REDIC1: variants seen among roughly 807,000 people sequenced by gnomAD.
REDIC1 encodes the protein regulator of DNA class I crossover intermediates 1, also known as HEI10 Interacting Protein 1.
the REDIC1 span, among the ~76,000 whole-genome samples, chr12:39,665,093 A>T: frequency 6.6e-6 from 1 of 151,864 alleles, no homozygotes; most frequent in Non-Finnish European, 1.5e-5. Flanking sequence ...CCCATTTGTC[A>T]ATTTTGGCTT....
At chr12:39,850,144 C>T in the REDIC1 span, among the ~76,000 whole-genome samples, 1 of 152,062 alleles carries the variant, frequency 6.6e-6, no homozygotes, top group Non-Finnish European at 1.5e-5. Context: ...CCTTGGGAAG[C>T]CTTCCACAAT....
chr12:39,783,074 A>G, the REDIC1 span, among the ~76,000 whole-genome samples: 1 of 152,040 alleles, frequency 6.6e-6, no homozygotes, highest in Non-Finnish European at 1.5e-5. Flanking sequence ...CCTGTGTCCA[A>G]CTGTTCTCAT....
chr12:39,759,565 C>A, the REDIC1 span: 1 of 154,378 alleles, frequency 6.5e-6, no homozygotes, highest in Admixed American at 6.5e-5. Context: ...TAAGCCACTA[C>A]TCTGTAGGAA....
chr12:39,664,410 CT>C, the REDIC1 span, among the ~76,000 whole-genome samples: 4 of 151,960 alleles, frequency 2.6e-5, no homozygotes, highest in Non-Finnish European at 5.9e-5. Context: ...TGAACTCATC[CT>C]TTTTTATGGC....
chr12:39,794,488 A>C, the REDIC1 span, among the ~76,000 whole-genome samples: 5 of 152,166 alleles, frequency 3.3e-5, no homozygotes, highest in Admixed American at 3.3e-4. Context: ...TATAAAATAG[A>C]CTGTAACCTA....
At chr12:39,748,721 C>T in the REDIC1 span, among the ~76,000 whole-genome samples, 1 of 152,218 alleles carries the variant, frequency 6.6e-6, no homozygotes, top group Non-Finnish European at 1.5e-5. Context: ...CAAATGGTCT[C>T]TCAGACCACA....
At chr12:39,701,920 T>A in the REDIC1 span, among the ~76,000 whole-genome samples, 2 of 151,932 alleles carry the variant, frequency 1.3e-5, no homozygotes, top group Non-Finnish European at 2.9e-5. Flanking sequence ...TACCAGAATC[T>A]CTGGGACACA....
At chr12:39,630,594 A>G in the REDIC1 span, among the ~76,000 whole-genome samples, 1 of 152,194 alleles carries the variant, frequency 6.6e-6, no homozygotes, top group Non-Finnish European at 1.5e-5. Context: ...ACTTGCCATT[A>G]AGTTAGAAAA....
chr12:39,758,360 A>C, the REDIC1 span: 1 of 151,848 alleles, frequency 6.6e-6, no homozygotes, highest in Non-Finnish European at 1.5e-5. Context: ...CCAGACATTA[A>C]AAGAATAGAG....
chr12:39,718,225 T>C, the REDIC1 span, among the ~76,000 whole-genome samples: 2 of 152,234 alleles, frequency 1.3e-5, no homozygotes, highest in South Asian at 4.1e-4. Context: ...GAGCACAATG[T>C]ATAATGAACC....
At chr12:39,713,429 TATGTGTACATATAC>T in the REDIC1 span, among the ~76,000 whole-genome samples, 1 of 8,802 alleles carries the variant, frequency 1.1e-4, no homozygotes, top group Non-Finnish European at 6.7e-4. Flanking sequence ...CATATGTATA[TATGTGTACATATAC>T]ATATGTATAC....
At chr12:39,813,995 A>T in the REDIC1 span, among the ~76,000 whole-genome samples, 7 of 152,332 alleles carry the variant, frequency 4.6e-5, no homozygotes, top group African/African-American at 1.7e-4. Flanking sequence ...GTGATTTCGT[A>T]TATTACTTCA....
At chr12:39,649,421 C>A in the REDIC1 span, among the ~76,000 whole-genome samples, 8 of 151,510 alleles carry the variant, frequency 5.3e-5, no homozygotes, top group East Asian at 1.4e-3. Context: ...ATTATATTCT[C>A]TTCTCTTTTG....
chr12:39,814,042 C>A, the REDIC1 span, among the ~76,000 whole-genome samples: 2 of 152,188 alleles, frequency 1.3e-5, no homozygotes, highest in Admixed American at 1.3e-4. Context: ...AAACTATAAT[C>A]ATATCTTTCA....
chr12:39,807,558 G>A, the REDIC1 span, among the ~76,000 whole-genome samples: 1 of 152,140 alleles, frequency 6.6e-6, no homozygotes, highest in Non-Finnish European at 1.5e-5. Flanking sequence ...TATAAGACTT[G>A]ATAAATATCA....
the REDIC1 span, among the ~76,000 whole-genome samples, chr12:39,827,613 G>C: frequency 2.0e-5 from 3 of 152,038 alleles, no homozygotes; most frequent in African/African-American, 7.2e-5. Context: ...GGAGGTGTAG[G>C]GGGAGGTTAT....
the REDIC1 span, among the ~76,000 whole-genome samples, chr12:39,789,029 A>T: frequency 6.6e-6 from 1 of 152,140 alleles, no homozygotes; most frequent in African/African-American, 2.4e-5. Context: ...TCTGTTATAC[A>T]TACAAAGAAG....
the REDIC1 span, among the ~76,000 whole-genome samples, chr12:39,652,250 C>T: frequency 6.6e-6 from 1 of 151,998 alleles, no homozygotes; most frequent in Non-Finnish European, 1.5e-5. Context: ...TTCATTTCTC[C>T]TGGGTGCAAG....
the REDIC1 span, among the ~76,000 whole-genome samples, chr12:39,660,125 A>G: frequency 6.6e-6 from 1 of 151,984 alleles, no homozygotes; most frequent in South Asian, 2.1e-4. Flanking sequence ...TATTTTTCTT[A>G]CCTTGGGTGG....
Sources: gnomAD v4.1 joint callset for allele counts (sites outside exome capture counted in the v4.1 genomes callset) on GRCh38, gnomAD v4.1.1 for gene constraint, MANE v1.5 for transcripts, NCBI Gene and HGNC (gene_info 2026-07-23, HGNC 2026-07-21) for gene names.